CELSR2: variants seen among roughly 807,000 people sequenced by gnomAD.
CELSR2 encodes the protein EGF-like protein 2.
In CELSR2, 81 loss-of-function variants were observed where a neutral mutation model predicts 251.6. The ratio of observed to expected loss-of-function variants is 0.32; its 90% confidence interval spans 0.27 to 0.39. The LOEUF (loss-of-function observed/expected upper bound fraction) is 0.39. CELSR2 is among the 10% of genes least tolerant of loss of function. CELSR2 has a pLI of 1.00. For synonymous variants in CELSR2, 1,721 were observed against 1,670.5 expected, an observed-to-expected ratio of 1.03 and a Z score of -0.74; for missense variants, 3,365 against 3,947.7, an observed-to-expected ratio of 0.85 and a Z score of 3.96.
chr1:109,262,173 G>A, intron 5 of CELSR2, 114 bp from the exon 6 acceptor site: 1 of 1,406,334 alleles, frequency 7.1e-7, no homozygotes, highest in Non-Finnish European at 9.7e-7. Flanking sequence ...ATATGCATGT[G>A]TGTACGTGTG....
chr1:109,258,334 G>A, intron 1 of CELSR2, 98 bp from the exon 2 acceptor site: 1 of 825,696 alleles, frequency 1.2e-6, no homozygotes, highest in Non-Finnish European at 1.9e-6. Context: ...GCACCCTTAT[G>A]CCAGTTGGAA....
At chr1:109,271,093 C>G in intron 25 of CELSR2, 54 bp downstream of exon 25, 1 of 1,550,486 alleles carries the variant, frequency 6.4e-7, no homozygotes, top group African/African-American at 1.4e-5. Context: ...TTGCTGTCCT[C>G]CTGCTGCTGG....
rs370869684 is a variant in CELSR2 at position 109,251,747 on chromosome 1, C to T, written c.1668C>T (p.Asn556=). The T allele has an allele frequency of 1.5e-5, 25 of 1,614,004 alleles. No homozygotes were observed. The highest frequency in any genetic ancestry group is 1.6e-4 in the Middle Eastern group (1 of 6,084). Residue 556 remains asparagine, a synonymous_variant, in exon 1 of 34, where the codon AAC becomes AAT. Transcript: ENST00000271332. This position sits in a 1 kb window ranked among gnomAD's most constrained non-coding sequence, Gnocchi z 4.9. ...GVGHDFPFTI[N]NGTGWISVAA... ...GACATGACTTCCCCTTCACCATCAACAATGGCACAGGCTGGATCTCTGTGG... is the reference window on the plus strand; with the variant it reads ...GACATGACTTCCCCTTCACCATCAATAATGGCACAGGCTGGATCTCTGTGG...
At chr1:109,263,121 G>A in intron 7 of CELSR2, 21 bp from the exon 8 acceptor site, 1 of 1,590,512 alleles carries the variant, frequency 6.3e-7, no homozygotes. Flanking sequence ...GGTCCACTGA[G>A]CTGCCTTCTC....
chr1:109,257,693 G>A (rs1291293788), intron 1 of CELSR2, among the ~76,000 whole-genome samples: 1 of 152,148 alleles, frequency 6.6e-6, no homozygotes, highest in Non-Finnish European at 1.5e-5. Context: ...AGCTGCCCAG[G>A]CCCTTCTATC....
rs1655647277 is a variant in CELSR2 at position 109,250,336 on chromosome 1, A to G, written c.257A>G (p.His86Arg). The G allele has an allele frequency of 3.1e-6, 5 of 1,613,330 alleles. No individual in the cohort carries two copies. The highest frequency in any genetic ancestry group is 4.2e-6 in the Non-Finnish European group (5 of 1,180,024). ...GAGCTGACTGGCCACCTGGTACCCCACCACGATGGCCTGAGGGTTTGGTGT... is the reference window on the plus strand; with the variant it reads ...GAGCTGACTGGCCACCTGGTACCCCGCCACGATGGCCTGAGGGTTTGGTGT... ...GTELTGHLVP[H>R]HDGLRVWCPE... Residue 86 changes from histidine to arginine, a missense_variant, in exon 1 of 34, where the codon CAC (histidine) becomes CGC (arginine). This residue lies in a region of CELSR2 where 704 missense variants were observed against 784.1 expected (regional missense o/e 0.90). Coordinates refer to ENST00000271332, the MANE Select transcript of CELSR2 (RefSeq NM_001408.3). This position sits in a 1 kb window ranked among gnomAD's most constrained non-coding sequence, Gnocchi z 4.4.
At chr1:109,263,810 G>A in intron 9 of CELSR2, 33 bp downstream of exon 9, 1 of 1,603,488 alleles carries the variant, frequency 6.2e-7, no homozygotes, top group Non-Finnish European at 8.5e-7. Context: ...GCCCTGGCCT[G>A]GCCATAGGGC....
intron 29 of CELSR2, 106 bp downstream of exon 29, chr1:109,272,511 G>A (rs79482788): frequency 0.05 from 75,070 of 1,506,068 alleles, 2,454 homozygotes; most frequent in Admixed American, 0.12. Context: ...TGTGGCTGAC[G>A]TGGGGGCCAG....
At chr1:109,257,180 C>G (rs1168714498) in intron 1 of CELSR2, among the ~76,000 whole-genome samples, 1 of 151,964 alleles carries the variant, frequency 6.6e-6, no homozygotes, top group Non-Finnish European at 1.5e-5. Flanking sequence ...ACAGCAAGAC[C>G]CCATCTCTAC....
chr1:109,257,791 G>T (rs1044983860), intron 1 of CELSR2, among the ~76,000 whole-genome samples: 1 of 152,220 alleles, frequency 6.6e-6, no homozygotes, highest in African/African-American at 2.4e-5. Context: ...GGCTCAGCTG[G>T]ATTTCCTGGG....
At position 109,273,462 on chromosome 1, in the gene CELSR2, A is replaced by G; in HGVS notation, c.8536A>G (p.Thr2846Ala). ...CATCCTTAAGAAGAAGTGTCTGCCCACCATCAGCGAGAAGAGCAGCCTCCT... is the reference window on the plus strand; with the variant it reads ...CATCCTTAAGAAGAAGTGTCTGCCCGCCATCAGCGAGAAGAGCAGCCTCCT... ...KGILKKKCLPTISEKSSLLRL... is the reference protein window; with the variant it reads ...KGILKKKCLPAISEKSSLLRL... Residue 2846 changes from threonine (T) to alanine (A), a missense_variant, in exon 33 of 34, where the codon ACC becomes GCC. Thr to Ala is a moderately conservative substitution (Grantham distance 58). Coordinates refer to ENST00000271332, the MANE Select transcript of CELSR2 (RefSeq NM_001408.3). The G allele has an allele frequency of 6.2e-7, 1 of 1,612,160 alleles. No homozygotes were observed. Among genetic ancestry groups the G allele is most frequent in the Non-Finnish European group, 8.5e-7 (1 of 1,179,456 alleles).
At position 109,259,037 on chromosome 1, in the gene CELSR2, C is replaced by T. The variant is rs766485813; in HGVS notation, c.3916C>T (p.Arg1306Cys). ...PCGPHGRCRS[R>C]EGGYTCLCRD... ...TGGCCCCCACGGGCGCTGCCGCAGC[C>T]GCGAGGGCGGCTACACCTGCCTCTG... Residue 1306 changes from arginine to cysteine, a missense_variant, in exon 2 of 34, where the codon CGC becomes TGC. This residue lies in a region of CELSR2 where 2,093 missense variants were observed against 2,382.8 expected (regional missense o/e 0.88). Transcript: ENST00000271332. The T allele has an allele frequency of 2.5e-6, 4 of 1,595,154 alleles. No homozygotes were observed. The highest frequency in any genetic ancestry group is 2.6e-6 in the Non-Finnish European group (3 of 1,175,766).
In CELSR2 at chr1:109,272,829, C is replaced by G. The variant is rs1176221327; in HGVS notation, c.8144-4C>G. On this transcript the variant is annotated splice_region_variant and splice_polypyrimidine_tract_variant and intron_variant, in intron 30 of 33. Coordinates refer to ENST00000271332, the MANE Select transcript of CELSR2 (RefSeq NM_001408.3). Reference sequence around the variant, plus strand: ...CTGGCTGTGATCTCTCCCTGGCCTCCTAGATCCTGACACGGACTCCGACAG... The same window carrying G: ...CTGGCTGTGATCTCTCCCTGGCCTCGTAGATCCTGACACGGACTCCGACAG... 1.2e-6 allele frequency: 2 copies of G among 1,612,974 alleles called. No homozygotes were observed. The highest frequency in any genetic ancestry group is 1.7e-6 in the Non-Finnish European group (2 of 1,179,252).
In CELSR2 at chr1:109,252,012, T is replaced by A. The variant is rs753359801; in HGVS notation, c.1933T>A (p.Tyr645Asn). The change falls in exon 1 of 34, where the codon TAC becomes AAC. Residue 645 changes from tyrosine to asparagine, a missense_variant. Transcript: ENST00000271332. This position sits in a 1 kb window ranked among gnomAD's most constrained non-coding sequence, Gnocchi z 4.8. ...VDRDAHSVIT[Y>N]QITSGNTRNR... The stretch of plus-strand genomic sequence containing the variant: ...CCGTGATGCTCATAGTGTCATCACC[T>A]ACCAGATCACCAGTGGCAATACTCG... The A allele has an allele frequency of 6.2e-7, 1 of 1,614,120 alleles. No individual in the cohort carries two copies. The highest frequency in any genetic ancestry group is 8.5e-7 in the Non-Finnish European group (1 of 1,180,032).
chr1:109,270,351 CCATGCCT>C (rs1656333508), intron 23 of CELSR2, 68 bp from the exon 24 acceptor site: 1 of 1,529,804 alleles, frequency 6.5e-7, no homozygotes, highest in African/African-American at 1.4e-5. Flanking sequence ...AGGCCCTCCT[CCATGCCT>C]GACCCGAAGC....
At chr1:109,260,778 G>A (rs1655997835) in intron 2 of CELSR2, among the ~76,000 whole-genome samples, 1 of 152,186 alleles carries the variant, frequency 6.6e-6, no homozygotes, top group Admixed American at 6.5e-5. Context: ...GAAGGTGCTG[G>A]GGACTCCGAG....
At position 109,262,973 on chromosome 1, in the gene CELSR2, T is replaced by TGG; in HGVS notation, c.4708+8_4708+9dup. The stretch of plus-strand genomic sequence containing the variant: ...GCCAACAATGGCACCGTGCCTGGTA[T>TGG]GGGGGCCCGGGGTGGAGCCAGGCTG... On this transcript the variant is annotated splice_donor_region_variant and intron_variant, in intron 7 of 33. Transcript: ENST00000271332. 6.2e-7 allele frequency: 1 copy of TGG among 1,611,204 alleles called. No homozygotes were observed.
rs757863599 is a variant in CELSR2, at chr1:109,264,216, C to T, written c.5140C>T (p.His1714Tyr). The T allele has an allele frequency of 1.1e-5, 18 of 1,613,560 alleles. No individual in the cohort carries two copies. In the South Asian group the frequency reaches 2.0e-4, roughly 18 times the overall value. Residue 1714 changes from histidine to tyrosine, a missense_variant, in exon 10 of 34, where the codon CAT becomes TAT. Physicochemically the swap from His to Tyr is moderately conservative, Grantham distance 83. Coordinates refer to ENST00000271332, the MANE Select transcript of CELSR2 (RefSeq NM_001408.3). ...ACTGGGAGCCAGCGGGGGGCCCGGCCATGCCATTCTGTCCTTCGATTATGG... is the reference window on the plus strand; with the variant it reads ...ACTGGGAGCCAGCGGGGGGCCCGGCTATGCCATTCTGTCCTTCGATTATGG... ...LALGASGGPG[H>Y]AILSFDYGQQ...
Position 109,251,964 on chromosome 1 carries a change from G to T in CELSR2, c.1885G>T (p.Val629Leu). 3 of 1,614,080 alleles carry T rather than the reference G, an allele frequency of 1.9e-6. No individual in the cohort carries two copies. Among genetic ancestry groups the T allele is most frequent in the Non-Finnish European group, 2.5e-6 (3 of 1,180,030 alleles). The part of the protein sequence containing the change: ...LNEDAAVGTS[V>L]VTVSAVDRDA... ...TGAGGATGCAGCTGTGGGCACCAGC[G>T]TGGTGACGGTGTCAGCTGTGGACCG... The change falls in exon 1 of 34, where the codon GTG becomes TTG. Residue 629 changes from valine (V) to leucine (L), a missense_variant. Transcript: ENST00000271332. This position sits in a 1 kb window ranked among gnomAD's most constrained non-coding sequence, Gnocchi z 4.9.
Sources: allele counts gnomAD v4.1 joint callset (sites outside exome capture counted in the v4.1 genomes callset), GRCh38; gene constraint gnomAD v4.1.1; regional missense constraint gnomAD v4.1.1; non-coding constraint Gnocchi (gnomAD v3.1); transcripts MANE v1.5; gene names NCBI Gene and HGNC (gene_info 2026-07-23, HGNC 2026-07-21).